Variants in RERE observed in about 807,000 individuals in gnomAD.
The protein encoded by RERE is arginine-glutamic acid dipeptide repeats protein.
A neutral mutation model predicts 146.1 loss-of-function variants in RERE; 40 were observed. That is an observed-to-expected ratio of 0.27 (90% CI 0.21 to 0.36). RERE has a LOEUF of 0.36. RERE is among the 10% of genes least tolerant of loss of function. RERE has a pLI of 1.00. For missense variants in RERE, 1,933 were observed against 2,138.7 expected, an observed-to-expected ratio of 0.90 and a Z score of 1.90; for synonymous variants, 1,003 against 866.0, an observed-to-expected ratio of 1.16 and a Z score of -2.78.
Position 8,639,475 on chromosome 1 carries a change from T to C in RERE, c.326-15095A>G, listed in dbSNP as rs1360005169. Among the ~76,000 whole-genome samples the C allele has an allele frequency of 2.0e-5, 3 of 152,090 alleles. No homozygotes were observed. The East Asian group carries it at 5.8e-4, about 29-fold the overall frequency. On this transcript the variant is annotated intron_variant, in intron 2 of 22. Coordinates refer to ENST00000400908, the MANE Select transcript of RERE (RefSeq NM_001042681.2). The stretch of plus-strand genomic sequence containing the variant: ...TATAACCCTGAAAGATAGCTCCGAG[T>C]TTTTCTCCAACCAAATATCTTCCAG...
intron 1 of RERE, among the ~76,000 whole-genome samples, chr1:8,797,567 A>C (rs1028147669): frequency 6.6e-6 from 1 of 152,188 alleles, no homozygotes; most frequent in African/African-American, 2.4e-5. Context: ...TAAAAAACCG[A>C]CTTACTAATT....
intron 1 of RERE, among the ~76,000 whole-genome samples, chr1:8,727,130 T>C (rs1639985500): frequency 6.6e-6 from 1 of 150,946 alleles, no homozygotes; most frequent in African/African-American, 2.4e-5. Context: ...AGTGGATTAG[T>C]AGTCTTTTTT....
intron 2 of RERE, among the ~76,000 whole-genome samples, chr1:8,639,907 T>C (rs1434210686): frequency 1.3e-5 from 2 of 152,214 alleles, no homozygotes; most frequent in African/African-American, 4.8e-5. Context: ...AAATACTGTC[T>C]AATAATAATG....
chr1:8,804,885 G>A (rs1352178623), intron 1 of RERE, among the ~76,000 whole-genome samples: 1 of 151,808 alleles, frequency 6.6e-6, no homozygotes, highest in Non-Finnish European at 1.5e-5. Flanking sequence ...TGTTATTTTT[G>A]GTTTCTACCA....
intron 2 of RERE, among the ~76,000 whole-genome samples, chr1:8,650,078 A>C (rs1420093262): frequency 6.6e-6 from 1 of 152,150 alleles, no homozygotes; most frequent in Non-Finnish European, 1.5e-5. Context: ...TGGGCAGTGT[A>C]AGTAACAAAA....
chr1:8,506,268 C>T (rs940981411), intron 8 of RERE, among the ~76,000 whole-genome samples: 1 of 152,206 alleles, frequency 6.6e-6, no homozygotes, highest in Non-Finnish European at 1.5e-5. Flanking sequence ...TAATGGAACA[C>T]ACCAACAAAA....
At chr1:8,444,627 C>T (rs1244736131) in intron 11 of RERE, among the ~76,000 whole-genome samples, 1 of 152,144 alleles carries the variant, frequency 6.6e-6, no homozygotes, top group Non-Finnish European at 1.5e-5. Context: ...GGAGATGGGG[C>T]CTGGTGGAAG....
intron 11 of RERE, chr1:8,429,711 A>G (rs1345065792): frequency 2.0e-5 from 3 of 152,696 alleles, no homozygotes; most frequent in South Asian, 4.1e-4. Context: ...GTCCTCTTAC[A>G]TAACTGTTTG....
intron 1 of RERE, among the ~76,000 whole-genome samples, chr1:8,713,242 G>A (rs750178295): frequency 1.2e-4 from 19 of 152,182 alleles, no homozygotes; most frequent in Admixed American, 6.5e-4. Context: ...TTAAGAATTG[G>A]TGCTTGCCAT....
intron 12 of RERE, among the ~76,000 whole-genome samples, chr1:8,389,105 G>T (rs1219600519): frequency 6.6e-6 from 1 of 152,148 alleles, no homozygotes; most frequent in Non-Finnish European, 1.5e-5. Context: ...AGAAAGACAT[G>T]TGTCAGCTGG....
intron 7 of RERE, chr1:8,525,660 G>A: frequency 7.9e-7 from 1 of 1,267,768 alleles, no homozygotes; most frequent in South Asian, 1.6e-5. Context: ...TCAGGAACAT[G>A]CACTATGAAT....
rs138837360 is a variant in RERE at position 8,498,280 on chromosome 1, C to T, written c.880-751G>A. Among the ~76,000 whole-genome samples the T allele has an allele frequency of 9.6e-3, 1,461 of 152,274 alleles. 8 individuals carry two copies. The highest frequency in any genetic ancestry group is 0.016 in the Non-Finnish European group (1,096 of 68,030). On this transcript the variant is annotated intron_variant, in intron 8 of 22. Coordinates refer to ENST00000400908, the MANE Select transcript of RERE (RefSeq NM_001042681.2). ...AGGCTGAGGCAGAGAACTGCTTAAA[C>T]CCGGGAGGCAGAGGTTGCAGTGAGC...
chr1:8,703,269 A>G (rs1639494695), intron 1 of RERE: 1 of 149,032 alleles, frequency 6.7e-6, no homozygotes, highest in Non-Finnish European at 1.5e-5. Flanking sequence ...CGGCTCCGGG[A>G]GGCGGTGGCC....
chr1:8,371,396 C>T (rs942041100), intron 12 of RERE, among the ~76,000 whole-genome samples: 2 of 151,984 alleles, frequency 1.3e-5, no homozygotes, highest in African/African-American at 4.8e-5. Context: ...CTTTAATTTC[C>T]CACAAAAAGA....
intron 7 of RERE, among the ~76,000 whole-genome samples, chr1:8,519,200 G>T (rs1316720401): frequency 6.6e-6 from 1 of 152,068 alleles, no homozygotes; most frequent in East Asian, 1.9e-4. Context: ...AGGCAACATA[G>T]CAAGACCTAG....
intron 2 of RERE, among the ~76,000 whole-genome samples, chr1:8,646,337 G>A (rs911344330): frequency 1.3e-5 from 2 of 152,100 alleles, no homozygotes; most frequent in African/African-American, 2.4e-5. Context: ...TTCAAGACCA[G>A]CCTAGACAAC....
intron 10 of RERE, among the ~76,000 whole-genome samples, chr1:8,488,236 T>G (rs928127707): frequency 1.5e-4 from 23 of 152,100 alleles, no homozygotes; most frequent in Non-Finnish European, 2.4e-4. Context: ...CATCAGACTT[T>G]TTATTTTTTA....
chr1:8,746,790 G>C (rs1234925803), intron 1 of RERE, among the ~76,000 whole-genome samples: 3 of 149,834 alleles, frequency 2.0e-5, no homozygotes, highest in Non-Finnish European at 4.4e-5. Flanking sequence ...GCAAGCAAGT[G>C]TGGGAGCGTG....
intron 1 of RERE, among the ~76,000 whole-genome samples, chr1:8,810,544 C>G (rs544259081): frequency 2.4e-4 from 37 of 152,226 alleles, no homozygotes; most frequent in Middle Eastern, 3.4e-3. Context: ...GGGGTCAAGG[C>G]TGCAGTGAGC....
Sources: allele counts gnomAD v4.1 joint callset (sites outside exome capture counted in the v4.1 genomes callset), GRCh38; gene constraint gnomAD v4.1.1; transcripts MANE v1.5; gene names NCBI Gene and HGNC (gene_info 2026-07-23, HGNC 2026-07-21).